Variants in LOC400499 observed in about 807,000 individuals in gnomAD.
At chr16:11,387,564 T>TCAG in the LOC400499 span, among the ~76,000 whole-genome samples, 4 of 152,208 alleles carry the variant, frequency 2.6e-5, no homozygotes, top group Non-Finnish European at 5.9e-5. Context: ...TCATGCCTAC[T>TCAG]CTGCTCCCCG....
At chr16:11,410,071 G>C in the LOC400499 span, among the ~76,000 whole-genome samples, 56 of 152,304 alleles carry the variant, frequency 3.7e-4, no homozygotes, top group African/African-American at 1.3e-3. Flanking sequence ...TTGCACCCAG[G>C]AGTTTGAGGC....
At chr16:11,420,798 C>T in the LOC400499 span, among the ~76,000 whole-genome samples, 1 of 152,150 alleles carries the variant, frequency 6.6e-6, no homozygotes, top group Non-Finnish European at 1.5e-5. Flanking sequence ...ATCTCAGGCC[C>T]CACCCCAGAC....
the LOC400499 span, among the ~76,000 whole-genome samples, chr16:11,496,923 TGTGTGTGTG>T: frequency 6.9e-6 from 1 of 145,932 alleles, no homozygotes; most frequent in Non-Finnish European, 1.5e-5. Flanking sequence ...TGTGTGTGTG[TGTGTGTGTG>T]TCTTGACAGG....
chr16:11,450,462 G>C, the LOC400499 span: 4 of 713,252 alleles, frequency 5.6e-6, no homozygotes, highest in Admixed American at 2.9e-5. Context: ...ACTAAACTCT[G>C]ATAGTTGCAG....
chr16:11,451,666 T>A, the LOC400499 span, among the ~76,000 whole-genome samples: 239 of 152,146 alleles, frequency 1.6e-3, 2 homozygotes, highest in African/African-American at 5.4e-3. Context: ...ATTGGTTAGG[T>A]CAGCAAAGGC....
the LOC400499 span, among the ~76,000 whole-genome samples, chr16:11,409,189 T>C: frequency 0.35 from 52,717 of 151,678 alleles, 9,334 homozygotes; most frequent in South Asian, 0.39. Context: ...TAAGCCCAGG[T>C]GGCGGAGGTT....
At chr16:11,481,274 C>T in the LOC400499 span, among the ~76,000 whole-genome samples, 3 of 152,098 alleles carry the variant, frequency 2.0e-5, no homozygotes, top group Non-Finnish European at 4.4e-5. Flanking sequence ...TGGAACGAGA[C>T]AGAAGTGGTG....
chr16:11,460,611 C>G, the LOC400499 span: 1 of 1,529,928 alleles, frequency 6.5e-7, no homozygotes, highest in South Asian at 1.2e-5. Flanking sequence ...TTTGCCTGAC[C>G]TGTGTGGATC....
chr16:11,430,766 G>A, the LOC400499 span, among the ~76,000 whole-genome samples: 1 of 152,154 alleles, frequency 6.6e-6, no homozygotes, highest in Non-Finnish European at 1.5e-5. Flanking sequence ...CCCTCCTGGA[G>A]ATATACAATG....
At chr16:11,373,962 A>C in the LOC400499 span, among the ~76,000 whole-genome samples, 4 of 152,148 alleles carry the variant, frequency 2.6e-5, no homozygotes, top group African/African-American at 7.2e-5. Flanking sequence ...AGAAGTGTTG[A>C]AAATATGGGG....
the LOC400499 span, chr16:11,446,702 C>T: frequency 2.6e-6 from 4 of 1,532,480 alleles, no homozygotes; most frequent in East Asian, 9.8e-5. Context: ...TGGGGCCTTC[C>T]TCTGGCTCTC....
At chr16:11,458,598 C>T in the LOC400499 span, among the ~76,000 whole-genome samples, 55 of 151,952 alleles carry the variant, frequency 3.6e-4, no homozygotes, top group South Asian at 0.011. Flanking sequence ...ATGGTGCTTT[C>T]CAGGGACTGG....
At chr16:11,398,366 C>T in the LOC400499 span, 16 of 1,232,158 alleles carry the variant, frequency 1.3e-5, 1 homozygote, top group East Asian at 1.3e-4. Flanking sequence ...GGTCACAGAG[C>T]CCCAGGTGGA....
the LOC400499 span, chr16:11,475,494 T>C: frequency 3.2e-4 from 128 of 395,856 alleles, no homozygotes; most frequent in African/African-American, 2.3e-3. Context: ...CTGTCTCAGA[T>C]ACTTTTTGGT....
At chr16:11,425,139 G>A in the LOC400499 span, 26 of 398,894 alleles carry the variant, frequency 6.5e-5, no homozygotes, top group African/African-American at 2.5e-4. Context: ...ATCACTCAGC[G>A]TGCTGATATT....
chr16:11,452,426 G>T, the LOC400499 span, among the ~76,000 whole-genome samples: 1 of 152,152 alleles, frequency 6.6e-6, no homozygotes, highest in African/African-American at 2.4e-5. Flanking sequence ...TGGAGGAAAG[G>T]CAGGAAACAG....
the LOC400499 span, among the ~76,000 whole-genome samples, chr16:11,504,709 G>A: frequency 1.3e-5 from 2 of 151,180 alleles, no homozygotes; most frequent in African/African-American, 2.4e-5. Context: ...GATCACTTGC[G>A]GTCAGGAGTT....
chr16:11,491,874 C>A, the LOC400499 span: 1 of 398,790 alleles, frequency 2.5e-6, no homozygotes, highest in Non-Finnish European at 4.4e-6. Context: ...AAGCCATCAC[C>A]CAAGGCCTAC....
chr16:11,442,829 G>A, the LOC400499 span, among the ~76,000 whole-genome samples: 1 of 152,128 alleles, frequency 6.6e-6, no homozygotes, highest in Non-Finnish European at 1.5e-5. Context: ...AACACCATCG[G>A]GAGCCACTTC....
Sources: gnomAD v4.1 joint callset for allele counts (sites outside exome capture counted in the v4.1 genomes callset) on GRCh38, gnomAD v4.1.1 for gene constraint, MANE v1.5 for transcripts.